Variants in TBC1D19 observed in about 807,000 individuals in gnomAD.
TBC1D19 encodes the protein TBC1 domain family, member 19.
Under a neutral mutation model 89.0 loss-of-function variants are expected in TBC1D19, and 60 were observed. The observed-to-expected ratio is 0.67, with a 90% CI of 0.55 to 0.84. The LOEUF (loss-of-function observed/expected upper bound fraction) is 0.84, where lower values mean the gene tolerates loss of function less well. Among genes scored for constraint, TBC1D19 ranks in the 40% least tolerant of loss-of-function variants. The pLI, the probability that TBC1D19 is intolerant of heterozygous loss-of-function variation, is 0.00. For missense variants in TBC1D19, 500 were observed against 610.8 expected (o/e 0.82, Z 1.91); for synonymous variants, 189 against 199.7 (o/e 0.95, Z 0.45).
intron 7 of TBC1D19, among the ~76,000 whole-genome samples, chr4:26,646,921 G>A (rs1178039068): frequency 6.6e-6 from 1 of 152,102 alleles, no homozygotes; most frequent in Non-Finnish European, 1.5e-5. Context: ...AGAACTTAAA[G>A]TATAATTTAA....
chr4:26,649,420 T>C (rs1281931755), intron 7 of TBC1D19, among the ~76,000 whole-genome samples: 1 of 152,146 alleles, frequency 6.6e-6, no homozygotes, highest in African/African-American at 2.4e-5. Flanking sequence ...ACTCAAGTGG[T>C]TTTCAGTATA....
chr4:26,581,029 A>G (rs976870013), upstream of TBC1D19, among the ~76,000 whole-genome samples: 5 of 152,188 alleles, frequency 3.3e-5, no homozygotes, highest in African/African-American at 1.2e-4. Flanking sequence ...ATTTCAGAGA[A>G]TTTTGAGGAG....
chr4:26,614,353 A>G (rs986296899), intron 2 of TBC1D19, 55 bp from the exon 3 acceptor site: 3 of 1,215,310 alleles, frequency 2.5e-6, no homozygotes, highest in African/African-American at 1.5e-5. Context: ...ATTGTAATGT[A>G]TGTTTACTTA....
chr4:26,614,464 C>T lies in TBC1D19; in HGVS notation c.218+11C>T, dbSNP rs1423445057. ...TAGTGAACTGAGTGTGTGAGTTTTCCCACCTATTTTACAATAGTATTTTGT... is the reference window on the plus strand; with the variant it reads ...TAGTGAACTGAGTGTGTGAGTTTTCTCACCTATTTTACAATAGTATTTTGT... On this transcript the variant is annotated intron_variant, in intron 3 of 20. Coordinates refer to ENST00000264866, the MANE Select transcript of TBC1D19 (RefSeq NM_018317.4). 4 of 1,573,756 alleles carry T rather than the reference C, an allele frequency of 2.5e-6. No homozygotes were observed. Among genetic ancestry groups the T allele is most frequent in the African/African-American group, 2.7e-5 (2 of 73,980 alleles).
the TBC1D19 span, among the ~76,000 whole-genome samples, chr4:26,857,354 G>A: frequency 2.0e-5 from 3 of 152,242 alleles, no homozygotes; most frequent in Non-Finnish European, 4.4e-5. Context: ...TCAAGAGCAA[G>A]CGAACCAGGC....
chr4:26,591,227 G>C (rs1739776518), intron 1 of TBC1D19, among the ~76,000 whole-genome samples: 1 of 151,868 alleles, frequency 6.6e-6, no homozygotes, highest in Non-Finnish European at 1.5e-5. Flanking sequence ...TGGCTTGATA[G>C]CTGATTTTTT....
chr4:26,809,190 A>G, the TBC1D19 span, among the ~76,000 whole-genome samples: 67 of 152,294 alleles, frequency 4.4e-4, no homozygotes, highest in African/African-American at 1.6e-3. Context: ...TGAGAAGGGC[A>G]TGTTGGGTCT....
At chr4:26,613,477 C>T (rs1447773801) in intron 2 of TBC1D19, among the ~76,000 whole-genome samples, 2 of 152,006 alleles carry the variant, frequency 1.3e-5, no homozygotes, top group East Asian at 1.9e-4. Flanking sequence ...AAACTAAGAA[C>T]CCATGACTGT....
the TBC1D19 span, among the ~76,000 whole-genome samples, chr4:26,841,253 G>A: frequency 6.6e-6 from 1 of 152,160 alleles, no homozygotes; most frequent in Non-Finnish European, 1.5e-5. Flanking sequence ...CAGGCATGGT[G>A]GCGTGTGCCT....
intron 11 of TBC1D19, among the ~76,000 whole-genome samples, chr4:26,678,566 G>C (rs1443448088): frequency 2.1e-4 from 32 of 151,870 alleles, no homozygotes; most frequent in Non-Finnish European, 1.5e-5. Context: ...TAGACAAATG[G>C]AGTGAGGAAA....
In TBC1D19 at chr4:26,691,789, G is replaced by C. The variant is rs143992841; in HGVS notation, c.954+3382G>C. Reference sequence around the variant, plus strand: ...TGAACCTGCAATATCTCCAAGGTATGCCTATATAAATAAAATTAATTCTTC... The same window carrying C: ...TGAACCTGCAATATCTCCAAGGTATCCCTATATAAATAAAATTAATTCTTC... On this transcript the variant is annotated intron_variant, in intron 13 of 20. Coordinates refer to ENST00000264866, the MANE Select transcript of TBC1D19 (RefSeq NM_018317.4). Among the ~76,000 whole-genome samples, 4 of 152,200 alleles carry C rather than the reference G, an allele frequency of 2.6e-5. No individual in the cohort carries two copies. In the East Asian group the frequency reaches 7.7e-4, roughly 29 times the overall value.
intron 15 of TBC1D19, among the ~76,000 whole-genome samples, chr4:26,723,405 T>C (rs1441194293): frequency 6.6e-6 from 1 of 152,188 alleles, no homozygotes; most frequent in East Asian, 1.9e-4. Flanking sequence ...GTGGCTTTCT[T>C]GGTCTCAGGG....
intron 13 of TBC1D19, among the ~76,000 whole-genome samples, chr4:26,715,166 G>T (rs1467319419): frequency 2.0e-5 from 3 of 151,812 alleles, no homozygotes; most frequent in Non-Finnish European, 4.4e-5. Context: ...TAGATGTCTT[G>T]CAGACATCTC....
chr4:26,625,116 G>T (rs1742309975), intron 4 of TBC1D19, among the ~76,000 whole-genome samples: 1 of 151,206 alleles, frequency 6.6e-6, no homozygotes. Context: ...CTTAGCTCTT[G>T]ATCATGTCTT....
At chr4:26,839,424 C>A in the TBC1D19 span, among the ~76,000 whole-genome samples, 4 of 152,072 alleles carry the variant, frequency 2.6e-5, no homozygotes, top group African/African-American at 9.7e-5. Context: ...GGTCTTGAAT[C>A]GATTTTTTTC....
chr4:26,735,400 C>A, intron 15 of TBC1D19, 55 bp from the exon 16 acceptor site: 1 of 1,382,630 alleles, frequency 7.2e-7, no homozygotes, highest in Non-Finnish European at 9.9e-7. Flanking sequence ...TTAAAGCTTA[C>A]CTAATAATCA....
intron 11 of TBC1D19, 27 bp from the exon 12 acceptor site, chr4:26,683,648 A>AT (rs761800866): frequency 1.3e-5 from 20 of 1,578,892 alleles, no homozygotes; most frequent in Admixed American, 3.5e-5. Context: ...TTGACCTTTA[A>AT]TTTTTTTGTT....
Position 26,753,852 on chromosome 4 carries a change from G to C in TBC1D19, c.1468G>C (p.Val490Leu). The C allele has an allele frequency of 2.5e-6, 4 of 1,613,958 alleles. No individual in the cohort carries two copies. Among genetic ancestry groups the C allele is most frequent in the Non-Finnish European group, 3.4e-6 (4 of 1,179,894 alleles). The change falls in exon 20 of 21, where the codon GTG (valine) becomes CTG (leucine). Residue 490 changes from valine (V) to leucine (L), a missense_variant. Transcript: ENST00000264866. ...AGCTGCCGTGTTTGCTTTCCGAGCAGTGAACCTGATGGAGGTGACATCACT... is the reference window on the plus strand; with the variant it reads ...AGCTGCCGTGTTTGCTTTCCGAGCACTGAACCTGATGGAGGTGACATCACT... Reference protein sequence around the residue: ...LAAAVFAFRAVNLMEVTSLAA... With the variant: ...LAAAVFAFRALNLMEVTSLAA...
At chr4:26,734,664 C>T (rs942099136) in intron 15 of TBC1D19, among the ~76,000 whole-genome samples, 4 of 152,090 alleles carry the variant, frequency 2.6e-5, no homozygotes, top group African/African-American at 9.7e-5. Context: ...AGTTAGTTTA[C>T]TTAACACCCA....
Sources: gnomAD v4.1 joint callset for allele counts (sites outside exome capture counted in the v4.1 genomes callset) on GRCh38, gnomAD v4.1.1 for gene constraint, MANE v1.5 for transcripts, NCBI Gene and HGNC (gene_info 2026-07-23, HGNC 2026-07-21) for gene names.